STK32A: variants seen among roughly 807,000 people sequenced by gnomAD.
STK32A encodes the protein serine/threonine-protein kinase 32A.
STK32A carries 41 observed loss-of-function variants against 53.2 expected under a neutral mutation model. The observed-to-expected ratio is 0.77, with a 90% CI of 0.60 to 1.00. The LOEUF is 1.00. Ranked by LOEUF, STK32A falls within the 50% of genes least tolerant of loss-of-function variation. The pLI is 0.00. For missense variants in STK32A, 458 were observed against 485.8 expected (o/e 0.94, Z 0.54); for synonymous variants, 166 against 162.8 (o/e 1.02, Z -0.15).
intron 2 of STK32A, among the ~76,000 whole-genome samples, chr5:147,253,915 A>G (rs780286445): frequency 6.6e-6 from 1 of 152,198 alleles, no homozygotes; most frequent in Non-Finnish European, 1.5e-5. Context: ...AGATTCAGTT[A>G]AGGACAAAAA....
chr5:147,273,555 G>C (rs1273765534), intron 2 of STK32A, among the ~76,000 whole-genome samples: 2 of 152,162 alleles, frequency 1.3e-5, no homozygotes, highest in African/African-American at 4.8e-5. Context: ...CACATAGTTG[G>C]TCTTAACTTT....
Position 147,243,485 on chromosome 5 carries a change from T to A in STK32A, c.52+3799T>A, listed in dbSNP as rs1211393217. ...TAGGCATGGTTGCTTACGCCTGTAA[T>A]CCCAGCACTTCAGGAGGCCGAGGCG... On this transcript the variant is annotated intron_variant, in intron 2 of 12. Transcript: ENST00000397936. Among the ~76,000 whole-genome samples the A allele has an allele frequency of 3.2e-5, 2 of 62,536 alleles. 1 individual carries two copies. The highest frequency in any genetic ancestry group is 3.6e-4 in the Admixed American group (2 of 5,550). 41.0% of individuals were successfully genotyped at this position (62,536 alleles called of 152,430 possible).
In STK32A at chr5:147,342,994, T is replaced by G; in HGVS notation, c.435-12T>G. 2 of 1,613,138 alleles carry G rather than the reference T, an allele frequency of 1.2e-6. No individual in the cohort carries two copies. The highest frequency in any genetic ancestry group is 1.7e-6 in the Non-Finnish European group (2 of 1,179,608). ...TTGTGAGCAACTTTCTTTTTTCTTT[T>G]TACTCCTCTAGGGATATGAAGCCTG... On this transcript the variant is annotated splice_polypyrimidine_tract_variant and intron_variant, in intron 5 of 12. Transcript: ENST00000397936.
intron 2 of STK32A, among the ~76,000 whole-genome samples, chr5:147,274,310 A>G (rs1424551762): frequency 6.6e-6 from 1 of 152,176 alleles, no homozygotes; most frequent in African/African-American, 2.4e-5. Flanking sequence ...AGCATGAGTG[A>G]GAACCAGGCT....
chr5:147,286,838 A>C (rs1752368714), intron 4 of STK32A, among the ~76,000 whole-genome samples: 1 of 152,152 alleles, frequency 6.6e-6, no homozygotes, highest in Non-Finnish European at 1.5e-5. Flanking sequence ...TTGTAATTAA[A>C]TATGCTGACT....
At chr5:147,351,214 G>GATTCCACCT in intron 7 of STK32A, 60 bp downstream of exon 7, 2 of 1,400,588 alleles carry the variant, frequency 1.4e-6, no homozygotes, top group Non-Finnish European at 2.0e-6. Context: ...TATTACAGGT[G>GATTCCACCT]GAATCATCTG....
chr5:147,368,289 T>C (rs1435726674), intron 8 of STK32A, among the ~76,000 whole-genome samples: 1 of 152,250 alleles, frequency 6.6e-6, no homozygotes, highest in East Asian at 1.9e-4. Flanking sequence ...ACAACCATAT[T>C]CACAACACAT....
At chr5:147,348,482 C>T (rs1370184459) in intron 6 of STK32A, among the ~76,000 whole-genome samples, 1 of 152,228 alleles carries the variant, frequency 6.6e-6, no homozygotes, top group Non-Finnish European at 1.5e-5. Context: ...ATCTGCATAT[C>T]TAACAAGTTC....
chr5:147,326,447 T>G (rs72831375), intron 5 of STK32A, among the ~76,000 whole-genome samples: 5,755 of 152,196 alleles, frequency 0.038, 145 homozygotes, highest in Middle Eastern at 0.082. Flanking sequence ...TCTATGCACC[T>G]CTCCCCCCAC....
intron 4 of STK32A, among the ~76,000 whole-genome samples, chr5:147,302,430 G>A (rs1471530426): frequency 6.6e-6 from 1 of 152,142 alleles, no homozygotes; most frequent in Non-Finnish European, 1.5e-5. Context: ...TATAGACAAA[G>A]TTCAGGGAAG....
chr5:147,330,371 C>T (rs1316551757), intron 5 of STK32A, among the ~76,000 whole-genome samples: 1 of 152,190 alleles, frequency 6.6e-6, no homozygotes, highest in Non-Finnish European at 1.5e-5. Flanking sequence ...TGATATATAA[C>T]ATTGTAACAT....
intron 8 of STK32A, among the ~76,000 whole-genome samples, chr5:147,369,621 C>G (rs529442645): frequency 9.9e-5 from 15 of 152,102 alleles, no homozygotes; most frequent in Non-Finnish European, 1.9e-4. Flanking sequence ...TTTTATATTA[C>G]CTCTTAACAC....
chr5:147,239,672 A>G lies in STK32A; in HGVS notation c.38A>G (p.Asp13Gly), dbSNP rs1301403467. Reference sequence around the variant, plus strand: ...ACTTCAAGAAAACCACCAGTGTTTGATGAAAATGAAGATGGTAAGAAATAT... The same window carrying G: ...ACTTCAAGAAAACCACCAGTGTTTGGTGAAAATGAAGATGGTAAGAAATAT... ...ANTSRKPPVF[D>G]ENEDVNFDHF... is the part of the protein sequence containing the mutation. Residue 13 changes from aspartate to glycine, a missense_variant, in exon 2 of 13, where the codon GAT (aspartate) becomes GGT (glycine). Transcript: ENST00000397936. 1 of 1,608,422 alleles carries G rather than the reference A, an allele frequency of 6.2e-7. No homozygotes were observed. Among genetic ancestry groups the G allele is most frequent in the Non-Finnish European group, 8.5e-7 (1 of 1,177,356 alleles).
chr5:147,336,879 G>A (rs989088104), intron 5 of STK32A, among the ~76,000 whole-genome samples: 18 of 152,168 alleles, frequency 1.2e-4, no homozygotes, highest in Non-Finnish European at 2.6e-4. Flanking sequence ...CTGAGAGACT[G>A]TTATGTGGCA....
chr5:147,387,454 G>C lies in STK32A; in HGVS notation c.*3471G>C, dbSNP rs1757703061. The C allele has an allele frequency of 6.6e-6, 1 of 152,222 alleles. No homozygotes were observed. The highest frequency in any genetic ancestry group is 1.5e-5 in the Non-Finnish European group (1 of 68,040). The allele number at this position is 152,222 out of a possible 1,614,324, so 9.4% of individuals were successfully genotyped here. ...CTATTATCATAGCTTTTGTAGATTG[G>C]ATGGAAGAATAAGTAGGAAGAAAGA... On this transcript the variant is annotated 3_prime_UTR_variant, in exon 13 of 13. Coordinates refer to ENST00000397936, the MANE Select transcript of STK32A (RefSeq NM_001112724.2).
chr5:147,302,690 A>C (rs1193315727), intron 4 of STK32A, among the ~76,000 whole-genome samples: 2 of 152,178 alleles, frequency 1.3e-5, no homozygotes, highest in Non-Finnish European at 2.9e-5. Flanking sequence ...TTTATAGAAT[A>C]AGAACAATGA....
intron 11 of STK32A, 118 bp downstream of exon 11, chr5:147,375,336 G>A: frequency 7.5e-7 from 1 of 1,326,964 alleles, no homozygotes; most frequent in Non-Finnish European, 1.0e-6. Flanking sequence ...TAGTGAAATA[G>A]GAGAAGTAGA....
At chr5:147,318,590 C>T (rs1156446494) in intron 4 of STK32A, among the ~76,000 whole-genome samples, 1 of 150,898 alleles carries the variant, frequency 6.6e-6, no homozygotes, top group Non-Finnish European at 1.5e-5. Context: ...CATAGTGAGC[C>T]CTCACCTCTA....
chr5:147,316,968 T>C (rs1292361548), intron 4 of STK32A, among the ~76,000 whole-genome samples: 2 of 150,338 alleles, frequency 1.3e-5, no homozygotes, highest in African/African-American at 4.9e-5. Context: ...TGTATAAAAG[T>C]ACTCCAGCTA....
Sources: allele counts gnomAD v4.1 joint callset (sites outside exome capture counted in the v4.1 genomes callset), GRCh38; gene constraint gnomAD v4.1.1; transcripts MANE v1.5; gene names NCBI Gene and HGNC (gene_info 2026-07-23, HGNC 2026-07-21).